Variants in MAP3K13 observed in about 807,000 individuals in gnomAD.
MAP3K13 encodes mitogen-activated protein kinase kinase kinase 13.
In MAP3K13, 52 loss-of-function variants were observed where a neutral mutation model predicts 104.0. The ratio of observed to expected loss-of-function variants is 0.50; its 90% CI spans 0.40 to 0.63. The LOEUF (loss-of-function observed/expected upper bound fraction) is 0.63. Ranked by LOEUF, MAP3K13 falls within the 20% of genes least tolerant of loss-of-function variation. The probability of loss-of-function intolerance (pLI) is 0.00; values close to 1 mark genes in which losing one functional copy is unlikely to be tolerated. For synonymous variants in MAP3K13, 394 were observed against 442.2 expected (o/e 0.89, Z 1.37); for missense variants, 914 against 1,218.5 (o/e 0.75, Z 3.72).
In MAP3K13 at chr3:185,473,143, A is replaced by C. The variant is rs201952338; in HGVS notation, c.1812A>C (p.Ala604=). 14 of 1,613,954 alleles carry C rather than the reference A, an allele frequency of 8.7e-6. No individual in the cohort carries two copies. Among genetic ancestry groups the C allele is most frequent in the Non-Finnish European group, 1.2e-5 (14 of 1,180,012 alleles). The part of the protein sequence containing the change: ...NSRGSHSDFA[A]ILKNQPAQEN... The stretch of plus-strand genomic sequence containing the variant: ...GAGGCAGCCATAGTGACTTTGCCGC[A>C]ATCTTGAAAAACCAGCCAGCCCAGG... Residue 604 remains alanine, a synonymous_variant, in exon 11 of 14, where the codon GCA becomes GCC. Coordinates refer to ENST00000265026, the MANE Select transcript of MAP3K13 (RefSeq NM_004721.5). This position sits in a 1 kb window ranked among gnomAD's most constrained non-coding sequence, Gnocchi z 4.9.
chr3:185,356,773 T>C (rs1305386494), intron 2 of MAP3K13, among the ~76,000 whole-genome samples: 1 of 152,180 alleles, frequency 6.6e-6, no homozygotes. Context: ...GAGCACTCGC[T>C]TCAGATGGGG....
Position 185,423,939 on chromosome 3 carries a change from A to G in MAP3K13, c.-85-4558A>G, listed in dbSNP as rs2108798233. Reference sequence around the variant, plus strand: ...TCCGTCTGTCACACGCCTTACCTTTAAAGGTCCATCTCAAATCCTACCTCT... The same window carrying G: ...TCCGTCTGTCACACGCCTTACCTTTGAAGGTCCATCTCAAATCCTACCTCT... On this transcript the variant is annotated intron_variant, in intron 1 of 13. Coordinates refer to ENST00000265026, the MANE Select transcript of MAP3K13 (RefSeq NM_004721.5). This position sits in a 1 kb window ranked among gnomAD's most constrained non-coding sequence, Gnocchi z 4.1. Among the ~76,000 whole-genome samples, 1 of 152,234 alleles carries G rather than the reference A, an allele frequency of 6.6e-6. No homozygotes were observed. The highest frequency in any genetic ancestry group is 1.5e-5 in the Non-Finnish European group (1 of 68,010).
intron 1 of MAP3K13, among the ~76,000 whole-genome samples, chr3:185,380,424 T>C (rs953136901): frequency 1.3e-5 from 2 of 148,276 alleles, no homozygotes; most frequent in Non-Finnish European, 3.0e-5. Context: ...GGCAGGAGAA[T>C]CGCTTGAACC....
chr3:185,479,575 T>C (rs1013109304), intron 12 of MAP3K13, among the ~76,000 whole-genome samples: 1 of 152,236 alleles, frequency 6.6e-6, no homozygotes, highest in African/African-American at 2.4e-5. Context: ...CTGATGTTTT[T>C]CAAAGGCCAG....
intron 7 of MAP3K13, among the ~76,000 whole-genome samples, chr3:185,452,942 G>A (rs551481887): frequency 6.6e-6 from 1 of 152,286 alleles, no homozygotes; most frequent in South Asian, 2.1e-4. Flanking sequence ...TCTCGGGATT[G>A]AGAAATAGGC....
chr3:185,399,997 A>G (rs1410998431), intron 1 of MAP3K13, among the ~76,000 whole-genome samples: 1 of 151,936 alleles, frequency 6.6e-6, no homozygotes, highest in Non-Finnish European at 1.5e-5. Context: ...GATTCTTTCC[A>G]TTCTCCCTAG....
chr3:185,443,047 G>C (rs780047220), intron 3 of MAP3K13, among the ~76,000 whole-genome samples: 9 of 152,024 alleles, frequency 5.9e-5, no homozygotes, highest in Non-Finnish European at 1.3e-4. Flanking sequence ...CACCATCTTG[G>C]CCAGGCTGGT....
chr3:185,330,406 C>T (rs1465921467), intron 2 of MAP3K13, among the ~76,000 whole-genome samples: 3 of 151,918 alleles, frequency 2.0e-5, no homozygotes, highest in South Asian at 2.1e-4. Context: ...ATCCAGGACG[C>T]GTTGTCCTAA....
intron 11 of MAP3K13, among the ~76,000 whole-genome samples, chr3:185,475,051 G>A (rs1182228982): frequency 7.2e-6 from 1 of 139,382 alleles, no homozygotes; most frequent in Non-Finnish European, 1.5e-5. Flanking sequence ...CCGAGATCCC[G>A]CCACTGCACT....
chr3:185,364,723 A>T lies in MAP3K13; in HGVS notation c.-86+1355A>T, dbSNP rs558184592. 5.9e-4 allele frequency among the ~76,000 whole-genome samples: 90 copies of T among 152,288 alleles called. 2 individuals are homozygous for T. The South Asian group carries it at 0.019, about 32-fold the overall frequency. ...CATTTTGTATTTCTGAGTACATTTG[A>T]ACTTGCTGGAGTAATAGAGGGAAAA... On this transcript the variant is annotated intron_variant, in intron 1 of 13. Coordinates refer to ENST00000265026, the MANE Select transcript of MAP3K13 (RefSeq NM_004721.5).
chr3:185,395,419 T>C (rs6800551), intron 1 of MAP3K13, among the ~76,000 whole-genome samples: 40,292 of 45,990 alleles, frequency 0.88, 17,868 homozygotes, highest in East Asian at 0.99. Context: ...AGTGCAGTGG[T>C]GCGATCTCGG....
At chr3:185,314,076 C>G (rs1721591430) in intron 2 of MAP3K13, among the ~76,000 whole-genome samples, 1 of 152,236 alleles carries the variant, frequency 6.6e-6, no homozygotes, top group African/African-American at 2.4e-5. Flanking sequence ...CCTCTGCACG[C>G]TGTGCACTTC....
intron 1 of MAP3K13, among the ~76,000 whole-genome samples, chr3:185,410,658 G>A (rs921415973): frequency 6.6e-6 from 1 of 152,160 alleles, no homozygotes; most frequent in Non-Finnish European, 1.5e-5. Context: ...AAATAGGCCA[G>A]GTGTGGTGGC....
chr3:185,455,992 TGA>T lies in MAP3K13; in HGVS notation c.1278+4600_1278+4601del, dbSNP rs1260953140. On this transcript the variant is annotated intron_variant, in intron 7 of 13. Coordinates refer to ENST00000265026, the MANE Select transcript of MAP3K13 (RefSeq NM_004721.5). Reference sequence around the variant, plus strand: ...GTATGAGATATATATATGATATATATGAGATATATATGAGATATATATATATA... The same window carrying T: ...GTATGAGATATATATATGATATATATGATATATATGAGATATATATATATA... Among the ~76,000 whole-genome samples the T allele has an allele frequency of 2.0e-5, 3 of 147,380 alleles. No individual in the cohort carries two copies. The East Asian group carries it at 5.9e-4, about 29-fold the overall frequency.
At chr3:185,409,516 A>C (rs1713308203) in intron 1 of MAP3K13, among the ~76,000 whole-genome samples, 1 of 152,216 alleles carries the variant, frequency 6.6e-6, no homozygotes, top group African/African-American at 2.4e-5. Context: ...AGAAAATGGA[A>C]CTGTTATGCA....
chr3:185,291,575 TGTA>T, intron 2 of MAP3K13: 1 of 1,493,682 alleles, frequency 6.7e-7, no homozygotes, highest in Non-Finnish European at 8.8e-7. Flanking sequence ...TTATTAGACT[TGTA>T]GTAGAATTTT....
chr3:185,471,709 C>T (rs1459161280), intron 10 of MAP3K13, among the ~76,000 whole-genome samples: 2 of 151,896 alleles, frequency 1.3e-5, no homozygotes, highest in Non-Finnish European at 2.9e-5. Context: ...ATCCACCTGC[C>T]TCGGCCTCCC....
chr3:185,477,979 T>A (rs1468304173), intron 12 of MAP3K13, among the ~76,000 whole-genome samples: 2 of 152,188 alleles, frequency 1.3e-5, no homozygotes, highest in African/African-American at 4.8e-5. Flanking sequence ...TCATTTAATA[T>A]TAATTACCTC....
chr3:185,455,575 CATATATATGATATATATGAGAT>C (rs1560119930), intron 7 of MAP3K13, among the ~76,000 whole-genome samples: 9 of 170 alleles, frequency 0.053, no homozygotes, highest in Admixed American at 0.17. Flanking sequence ...ATATATATGA[CATATATATGATATATATGAGAT>C]ATATATATCA....
Sources: gnomAD v4.1 joint callset for allele counts (sites outside exome capture counted in the v4.1 genomes callset) on GRCh38, gnomAD v4.1.1 for gene constraint, Gnocchi (gnomAD v3.1) non-coding constraint, MANE v1.5 for transcripts, NCBI Gene and HGNC (gene_info 2026-07-23, HGNC 2026-07-21) for gene names.